Variants in PDE4B observed in about 807,000 individuals in gnomAD.
The protein encoded by PDE4B is phosphodiesterase 4B, also known as 3',5'-cyclic-AMP phosphodiesterase 4B.
Under a neutral mutation model 82.2 loss-of-function variants are expected in PDE4B, and 20 were observed. The observed-to-expected ratio is 0.24, with a 90% CI of 0.17 to 0.35. PDE4B has a LOEUF of 0.35. Among genes scored for constraint, PDE4B ranks in the 10% least tolerant of loss-of-function variants. PDE4B has a pLI of 1.00. For synonymous variants in PDE4B, 320 were observed against 318.9 expected (o/e 1.00, Z -0.04); for missense variants, 655 against 907.2 (o/e 0.72, Z 3.57).
intron 3 of PDE4B, among the ~76,000 whole-genome samples, chr1:65,993,333 G>C (rs894754387): frequency 1.3e-5 from 2 of 152,166 alleles, no homozygotes; most frequent in Non-Finnish European, 2.9e-5. Flanking sequence ...TGTGCTACTA[G>C]CTTTTTCCAG....
At chr1:66,087,338 G>T (rs1657055749) in intron 3 of PDE4B, among the ~76,000 whole-genome samples, 1 of 152,068 alleles carries the variant, frequency 6.6e-6, no homozygotes, top group Non-Finnish European at 1.5e-5. Flanking sequence ...TTTTGATGGG[G>T]TTGTTTGTTT....
At position 65,879,478 on chromosome 1, in the gene PDE4B, A is replaced by T. The variant is rs546811942; in HGVS notation, c.-70-33767A>T. On this transcript the variant is annotated intron_variant, in intron 1 of 16. Transcript: ENST00000341517. ...TAAATAACATATAAAACATAATTCT[A>T]TAAGGTAAATATGTATAAAATGTAT... Among the ~76,000 whole-genome samples the T allele has an allele frequency of 2.0e-5, 3 of 152,312 alleles. No homozygotes were observed. In the East Asian group the frequency reaches 5.8e-4, roughly 29 times the overall value.
intron 3 of PDE4B, among the ~76,000 whole-genome samples, chr1:66,168,542 T>G (rs148560139): frequency 6.6e-6 from 1 of 152,220 alleles, no homozygotes; most frequent in Non-Finnish European, 1.5e-5. Flanking sequence ...CATGGTGTAG[T>G]AACCACAAAG....
chr1:66,324,360 C>G (rs1324123981), intron 7 of PDE4B, among the ~76,000 whole-genome samples: 1 of 152,114 alleles, frequency 6.6e-6, no homozygotes, highest in Non-Finnish European at 1.5e-5. Context: ...TTGCCTCCCT[C>G]CCTCCCAGCC....
chr1:66,340,615 C>T (rs1490734367), intron 8 of PDE4B, among the ~76,000 whole-genome samples: 1 of 152,022 alleles, frequency 6.6e-6, no homozygotes, highest in Non-Finnish European at 1.5e-5. Context: ...TTTTAATTAA[C>T]TATTAAATAC....
chr1:66,368,122 C>A, intron 15 of PDE4B, 57 bp downstream of exon 15: 2 of 1,565,398 alleles, frequency 1.3e-6, no homozygotes, highest in Non-Finnish European at 1.7e-6. Flanking sequence ...AGCTGAACAA[C>A]AATTAGAAAA....
intron 3 of PDE4B, among the ~76,000 whole-genome samples, chr1:65,976,562 G>A (rs754911350): frequency 1.5e-4 from 23 of 152,268 alleles, no homozygotes; most frequent in Non-Finnish European, 1.5e-5. Flanking sequence ...GGGATGGAAT[G>A]ATATGGTTTG....
chr1:65,840,920 T>C (rs1318036745), intron 1 of PDE4B, among the ~76,000 whole-genome samples: 2 of 152,202 alleles, frequency 1.3e-5, no homozygotes, highest in African/African-American at 2.4e-5. Context: ...TTCTCAGAAA[T>C]TTTGTAAATG....
chr1:65,855,427 C>T (rs980837560), intron 1 of PDE4B, among the ~76,000 whole-genome samples: 28 of 152,094 alleles, frequency 1.8e-4, no homozygotes, highest in Non-Finnish European at 3.8e-4. Context: ...GAATGAGTCT[C>T]GAGTAGCCCT....
At chr1:65,892,065 G>A (rs915001490) in intron 1 of PDE4B, among the ~76,000 whole-genome samples, 2 of 151,920 alleles carry the variant, frequency 1.3e-5, no homozygotes, top group African/African-American at 4.8e-5. Flanking sequence ...TCTTATAATA[G>A]GATTTCCCCA....
intron 3 of PDE4B, among the ~76,000 whole-genome samples, chr1:65,962,471 T>C (rs932145347): frequency 6.6e-6 from 1 of 152,122 alleles, no homozygotes; most frequent in African/African-American, 2.4e-5. Flanking sequence ...GTGGCTTGAC[T>C]CAAGCAGCTG....
chr1:66,327,387 A>G (rs912855391), intron 7 of PDE4B, among the ~76,000 whole-genome samples: 3 of 152,250 alleles, frequency 2.0e-5, no homozygotes, highest in Non-Finnish European at 2.9e-5. Context: ...AAACACATAC[A>G]TGACATGCAC....
At chr1:66,156,369 T>G (rs1451258261) in intron 3 of PDE4B, among the ~76,000 whole-genome samples, 1 of 152,180 alleles carries the variant, frequency 6.6e-6, no homozygotes, top group African/African-American at 2.4e-5. Context: ...AATAGGGACA[T>G]GATACAATGT....
rs1416015116 is a variant in PDE4B at position 66,077,104 on chromosome 1, G to A, written c.281+158269G>A. Among the ~76,000 whole-genome samples the A allele has an allele frequency of 2.6e-5, 4 of 152,094 alleles. No homozygotes were observed. The East Asian group carries it at 7.8e-4, about 29-fold the overall frequency. On this transcript the variant is annotated intron_variant, in intron 3 of 16. Transcript: ENST00000341517. Reference sequence around the variant, plus strand: ...TCTTTGCCAAGGCCAACATCAAGAAGGGTATTTCCTAGGTTTTCTTTTAGG... The same window carrying A: ...TCTTTGCCAAGGCCAACATCAAGAAAGGTATTTCCTAGGTTTTCTTTTAGG...
intron 3 of PDE4B, among the ~76,000 whole-genome samples, chr1:66,028,590 A>G (rs1398668226): frequency 2.0e-5 from 3 of 152,170 alleles, no homozygotes; most frequent in Admixed American, 2.0e-4. Flanking sequence ...CCAAACTTTT[A>G]TGCTCTGCTT....
intron 3 of PDE4B, among the ~76,000 whole-genome samples, chr1:66,183,751 T>C (rs1419942014): frequency 6.6e-6 from 1 of 152,164 alleles, no homozygotes; most frequent in African/African-American, 2.4e-5. Flanking sequence ...TTATTACATG[T>C]GGTAAATTAT....
chr1:65,839,222 T>A (rs993243848), intron 1 of PDE4B, among the ~76,000 whole-genome samples: 2 of 152,156 alleles, frequency 1.3e-5, no homozygotes, highest in African/African-American at 4.8e-5. Flanking sequence ...TGATTTTATT[T>A]TATTATTTTA....
intron 7 of PDE4B, among the ~76,000 whole-genome samples, chr1:66,284,096 C>T (rs575056): frequency 0.59 from 89,724 of 151,920 alleles, 26,887 homozygotes; most frequent in African/African-American, 0.61. Flanking sequence ...TGATTTATAA[C>T]GCAGTGTAAT....
chr1:66,353,276 G>T (rs759041838), intron 8 of PDE4B, among the ~76,000 whole-genome samples: 1 of 152,168 alleles, frequency 6.6e-6, no homozygotes, highest in Non-Finnish European at 1.5e-5. Context: ...ACACACATAC[G>T]CAAGCAGGGT....
Sources: allele counts gnomAD v4.1 joint callset (sites outside exome capture counted in the v4.1 genomes callset), GRCh38; gene constraint gnomAD v4.1.1; transcripts MANE v1.5; gene names NCBI Gene and HGNC (gene_info 2026-07-23, HGNC 2026-07-21).